TMEM260: variants seen among roughly 807,000 people sequenced by gnomAD.
TMEM260 encodes transmembrane protein 260, also known as protein O-mannosyl-transferase TMEM260.
Under a neutral mutation model 88.9 loss-of-function variants are expected in TMEM260, and 82 were observed. The ratio of observed to expected loss-of-function variants is 0.92; its 90% CI spans 0.77 to 1.11. TMEM260 has a LOEUF of 1.11. TMEM260 is among the 50% of genes least tolerant of loss of function. The pLI is 0.00. For synonymous variants in TMEM260, 314 were observed against 309.3 expected, an observed-to-expected ratio of 1.02 and a Z score of -0.16; for missense variants, 902 against 853.4, an observed-to-expected ratio of 1.06 and a Z score of -0.71.
intron 15 of TMEM260, 67 bp from the exon 16 acceptor site, chr14:56,647,176 T>TTTTG: frequency 6.6e-7 from 1 of 1,514,510 alleles, no homozygotes. Flanking sequence ...CTCTGTGTTT[T>TTTTG]TTTGTTTTTG....
chr14:56,609,166 T>C lies in TMEM260; in HGVS notation c.697T>C (p.Tyr233His). The C allele has an allele frequency of 6.2e-7, 1 of 1,614,208 alleles. No individual in the cohort carries two copies. Among genetic ancestry groups the C allele is most frequent in the Non-Finnish European group, 8.5e-7 (1 of 1,180,028 alleles). ...SLYFSAGLLPYVHLPISSYLN... is the reference protein window; with the variant it reads ...SLYFSAGLLPHVHLPISSYLN... ...GTACTTCTCTGCTGGTTTGCTGCCC[T>C]ATGTCCACCTTCCCATCTCATCTTA... The change falls in exon 6 of 16, where the codon TAT becomes CAT. Residue 233 changes from tyrosine to histidine, a missense_variant. By Grantham distance (83) the Tyr-to-His change is moderately conservative. Coordinates refer to ENST00000261556, the MANE Select transcript of TMEM260 (RefSeq NM_017799.4).
At chr14:56,652,142 T>C (rs1890217759), downstream of TMEM260, among the ~76,000 whole-genome samples, 1 of 152,224 alleles carries the variant, frequency 6.6e-6, no homozygotes, top group African/African-American at 2.4e-5. Flanking sequence ...TTTCTCATCC[T>C]TGGATTATGG....
intron 12 of TMEM260, 68 bp downstream of exon 12, chr14:56,625,598 G>A: frequency 1.5e-6 from 2 of 1,327,638 alleles, no homozygotes; most frequent in South Asian, 1.4e-5. Context: ...TTCTGTAGCA[G>A]TTGTGCATCA....
At chr14:56,631,166 G>C (rs115225203) in intron 12 of TMEM260, among the ~76,000 whole-genome samples, 57 of 152,304 alleles carry the variant, frequency 3.7e-4, no homozygotes, top group Admixed American at 6.5e-4. Flanking sequence ...CTTGGAAGAA[G>C]GCCAAGCAGG....
chr14:56,641,454 C>T (rs144147781), intron 15 of TMEM260, among the ~76,000 whole-genome samples: 6,478 of 152,158 alleles, frequency 0.043, 208 homozygotes, highest in East Asian at 0.098. Context: ...CCTTTACAGA[C>T]AAGCAAATGC....
At chr14:56,600,489 G>T (rs560356617) in intron 3 of TMEM260, among the ~76,000 whole-genome samples, 1 of 152,056 alleles carries the variant, frequency 6.6e-6, no homozygotes, top group African/African-American at 2.4e-5. Flanking sequence ...TAATAAAAAA[G>T]CAAATAATCC....
Position 56,647,715 on chromosome 14 carries a change from A to G in TMEM260, c.*218A>G, listed in dbSNP as rs1890055342. The G allele has an allele frequency of 3.9e-6, 2 of 517,168 alleles. No homozygotes were observed. The highest frequency in any genetic ancestry group is 6.7e-6 in the Non-Finnish European group (2 of 300,036). The allele number at this position is 517,168 out of a possible 1,614,324, so 32.0% of individuals were successfully genotyped here. A position where few individuals can be genotyped will look rare whatever the true frequency, so the allele number is the denominator to read the frequency against. ...GTTTATCCCGTGTTACCAAATTACC[A>G]TTTCAGTGAGAAGCTTTTGAAAAGT... is the stretch of plus-strand genomic sequence containing the variant. On this transcript the variant is annotated 3_prime_UTR_variant, in exon 16 of 16. Transcript: ENST00000261556.
At chr14:56,587,924 C>A (rs1186978535) in intron 3 of TMEM260, among the ~76,000 whole-genome samples, 1 of 152,024 alleles carries the variant, frequency 6.6e-6, no homozygotes, top group Non-Finnish European at 1.5e-5. Flanking sequence ...TGGCTTGTTA[C>A]AATTTCATTT....
At chr14:56,617,327 C>A in intron 9 of TMEM260, 30 bp downstream of exon 9, 1 of 1,443,508 alleles carries the variant, frequency 6.9e-7, no homozygotes, top group South Asian at 1.3e-5. Flanking sequence ...ATCCTTTGAC[C>A]AGAAAGTTTG....
intron 4 of TMEM260, among the ~76,000 whole-genome samples, chr14:56,604,245 G>T (rs1886756053): frequency 6.6e-6 from 1 of 150,768 alleles, no homozygotes; most frequent in Non-Finnish European, 1.5e-5. Flanking sequence ...AAAATCCCCT[G>T]TGTGTCCGGT....
chr14:56,582,813 T>A (rs1191041278), intron 1 of TMEM260, among the ~76,000 whole-genome samples: 1 of 152,076 alleles, frequency 6.6e-6, no homozygotes, highest in Non-Finnish European at 1.5e-5. Flanking sequence ...AATTTAAGAG[T>A]AGTATTTCCC....
At chr14:56,656,812 C>A in the TMEM260 span, among the ~76,000 whole-genome samples, 2 of 151,940 alleles carry the variant, frequency 1.3e-5, no homozygotes, top group Non-Finnish European at 2.9e-5. Context: ...AAGAGAGTAA[C>A]CAAAAAGCAC....
At chr14:56,661,566 G>A in the TMEM260 span, among the ~76,000 whole-genome samples, 2 of 150,014 alleles carry the variant, frequency 1.3e-5, no homozygotes, top group Admixed American at 1.3e-4. Flanking sequence ...GAGGGAAAGA[G>A]GGAAGGGAGG....
chr14:56,624,984 G>A (rs1888154015), intron 11 of TMEM260, among the ~76,000 whole-genome samples: 1 of 152,164 alleles, frequency 6.6e-6, no homozygotes, highest in African/African-American at 2.4e-5. Context: ...TCTCACATGT[G>A]CAGTTCACAA....
At chr14:56,655,801 C>CT in the TMEM260 span, among the ~76,000 whole-genome samples, 5 of 152,092 alleles carry the variant, frequency 3.3e-5, no homozygotes, top group East Asian at 9.6e-4. Flanking sequence ...TATTATCATG[C>CT]ACCTGGATGA....
rs1230920896 is a variant in TMEM260 at position 56,648,626 on chromosome 14, A to T, written c.*1129A>T. 1 of 152,710 alleles carries T rather than the reference A, an allele frequency of 6.5e-6. No individual in the cohort carries two copies. The highest frequency in any genetic ancestry group is 2.4e-5 in the African/African-American group (1 of 41,478). The allele number at this position is 152,710 out of a possible 1,614,324, so 9.5% of individuals were successfully genotyped here. ...CAAGAAAAGGCCCCTTACCAGGAATAGTCACAGTTCCGTGGCATTGTACTA... is the reference window on the plus strand; with the variant it reads ...CAAGAAAAGGCCCCTTACCAGGAATTGTCACAGTTCCGTGGCATTGTACTA... On this transcript the variant is annotated 3_prime_UTR_variant, in exon 16 of 16. Coordinates refer to ENST00000261556, the MANE Select transcript of TMEM260 (RefSeq NM_017799.4).
rs1310456720 is a variant in TMEM260, at chr14:56,615,984, A to G, written c.898A>G (p.Ile300Val). 1.2e-6 allele frequency: 2 copies of G among 1,613,424 alleles called. No homozygotes were observed. Among genetic ancestry groups the G allele is most frequent in the East Asian group, 2.2e-5 (1 of 44,790 alleles). ...TATGAGGACCGAACTCTCATTCAAC[A>G]TCCAAGCCCTTGCAGTTTGTGCAAA... is the stretch of plus-strand genomic sequence containing the variant. ...TNMRTELSFN[I>V]QALAVCANIC... The change falls in exon 8 of 16, where the codon ATC becomes GTC. Residue 300 changes from isoleucine (I) to valine (V), a missense_variant. By Grantham distance (29) the Ile-to-Val change is conservative (BLOSUM62 3). Transcript: ENST00000261556.
chr14:56,639,764 A>G (rs1889424952), intron 15 of TMEM260, among the ~76,000 whole-genome samples: 1 of 152,208 alleles, frequency 6.6e-6, no homozygotes, highest in Admixed American at 6.5e-5. Context: ...CAGCACCTGG[A>G]AAATCGGGTC....
the TMEM260 span, among the ~76,000 whole-genome samples, chr14:56,661,035 A>C: frequency 1.3e-5 from 2 of 152,238 alleles, no homozygotes; most frequent in African/African-American, 4.8e-5. Context: ...TGGAGGCGGG[A>C]GTGGGGACAC....
Sources: gnomAD v4.1 joint callset for allele counts (sites outside exome capture counted in the v4.1 genomes callset) on GRCh38, gnomAD v4.1.1 for gene constraint, MANE v1.5 for transcripts, NCBI Gene and HGNC (gene_info 2026-07-23, HGNC 2026-07-21) for gene names.